Variants in MYBL1 observed in about 807,000 individuals in gnomAD.
MYBL1 encodes MYB proto-oncogene like 1, also known as myb-related protein A.
A neutral mutation model predicts 96.3 loss-of-function variants in MYBL1; 17 were observed. The ratio of observed to expected loss-of-function variants is 0.18; its 90% CI spans 0.12 to 0.26. MYBL1 has a LOEUF of 0.26. MYBL1 is among the 10% of genes least tolerant of loss of function. The pLI is 1.00. For synonymous variants in MYBL1, 282 were observed against 292.7 expected (o/e 0.96, Z 0.37); for missense variants, 701 against 882.9 (o/e 0.79, Z 2.61).
Position 66,572,498 on chromosome 8 carries a change from C to T in MYBL1, c.1712G>A (p.Gly571Glu). The change falls in exon 12 of 16, where the codon GGA becomes GAA. Residue 571 changes from glycine (G) to glutamate (E), a missense_variant. Gly to Glu is a moderately conservative substitution (Grantham distance 98, BLOSUM62 -2). Around this residue, in one of 5 missense-constraint regions of MYBL1, gnomAD observed 63 missense variants for 109.2 expected, o/e 0.58. Transcript: ENST00000522677. ...TATACATACCACAATTTTAAGAGGT[C>T]CATATTTTTTCTCCTGAGCAGCAAG... ...NALAAQEKKY[G>E]PLKIVSQPLA... 1 of 1,575,200 alleles carries T rather than the reference C, an allele frequency of 6.3e-7. No individual in the cohort carries two copies. The highest frequency in any genetic ancestry group is 1.1e-5 in the South Asian group (1 of 87,028).
At chr8:66,596,792 T>C (rs1355226304) in intron 5 of MYBL1, among the ~76,000 whole-genome samples, 2 of 152,110 alleles carry the variant, frequency 1.3e-5, no homozygotes, top group East Asian at 1.9e-4. Flanking sequence ...CAATGTAGAG[T>C]GTACTTAGCA....
At chr8:66,583,554 G>T (rs73248138) in intron 8 of MYBL1, among the ~76,000 whole-genome samples, 63 of 150,460 alleles carry the variant, frequency 4.2e-4, no homozygotes, top group African/African-American at 1.5e-3. Flanking sequence ...AGAAATAAAC[G>T]AAATTGACAA....
chr8:66,598,979 C>A, intron 4 of MYBL1, 71 bp downstream of exon 4: 1 of 1,017,466 alleles, frequency 9.8e-7, no homozygotes, highest in South Asian at 2.4e-5. Flanking sequence ...CTTCATATGT[C>A]AAAACAACAC....
chr8:66,605,854 T>G (rs1810292498), intron 1 of MYBL1, among the ~76,000 whole-genome samples: 2 of 152,068 alleles, frequency 1.3e-5, no homozygotes, highest in Admixed American at 6.6e-5. Flanking sequence ...GGATTCTGAG[T>G]AGGCAGTGGA....
intron 12 of MYBL1, among the ~76,000 whole-genome samples, chr8:66,569,716 C>T (rs1808654865): frequency 6.6e-6 from 1 of 152,100 alleles, no homozygotes; most frequent in African/African-American, 2.4e-5. Flanking sequence ...TTTAAGAATA[C>T]AAATGTCCTA....
At chr8:66,576,947 C>G (rs1235226081) in intron 9 of MYBL1, among the ~76,000 whole-genome samples, 1 of 152,144 alleles carries the variant, frequency 6.6e-6, no homozygotes, top group Non-Finnish European at 1.5e-5. Flanking sequence ...AAATGTAATC[C>G]AGCATATAAA....
At chr8:66,583,690 G>A (rs921535955) in intron 8 of MYBL1, among the ~76,000 whole-genome samples, 1 of 152,110 alleles carries the variant, frequency 6.6e-6, no homozygotes, top group Non-Finnish European at 1.5e-5. Context: ...ATGAATAACT[G>A]TGTATCCAAT....
chr8:66,588,533 G>A (rs1010087123), intron 8 of MYBL1, among the ~76,000 whole-genome samples: 1 of 152,022 alleles, frequency 6.6e-6, no homozygotes, highest in African/African-American at 2.4e-5. Context: ...GCCTGCCTCA[G>A]CCTCCCAAAG....
chr8:66,578,125 C>T (rs950492850), intron 9 of MYBL1, among the ~76,000 whole-genome samples: 4 of 151,960 alleles, frequency 2.6e-5, no homozygotes, highest in Non-Finnish European at 5.9e-5. Flanking sequence ...ACCATAAAAA[C>T]CCGAGAAGAA....
chr8:66,598,956 A>C, intron 4 of MYBL1, 94 bp downstream of exon 4: 1 of 702,108 alleles, frequency 1.4e-6, no homozygotes, highest in Non-Finnish European at 2.1e-6. Flanking sequence ...AATCAAAGTG[A>C]CTTAAACATG....
At chr8:66,586,057 T>TC (rs1809408044) in intron 8 of MYBL1, among the ~76,000 whole-genome samples, 1 of 148,014 alleles carries the variant, frequency 6.8e-6, no homozygotes, top group African/African-American at 2.5e-5. Flanking sequence ...TTTTTTTTTT[T>TC]TTTTTTGAGA....
chr8:66,574,772 A>G (rs1322654488), intron 10 of MYBL1, among the ~76,000 whole-genome samples: 1 of 152,226 alleles, frequency 6.6e-6, no homozygotes, highest in Non-Finnish European at 1.5e-5. Flanking sequence ...GATTGTTTGG[A>G]GGCTGGGAGC....
chr8:66,592,682 CTCATTA>C (rs1340904596), intron 7 of MYBL1, 138 bp from the exon 8 acceptor site: 4 of 532,322 alleles, frequency 7.5e-6, no homozygotes, highest in Non-Finnish European at 9.6e-6. Context: ...ATACTAACTA[CTCATTA>C]TCACAATCCC....
At chr8:66,575,872 G>C in intron 10 of MYBL1, 135 bp downstream of exon 10, 2 of 728,074 alleles carry the variant, frequency 2.7e-6, no homozygotes, top group Non-Finnish European at 4.2e-6. Context: ...TCAGAGTTCA[G>C]TATTCTCAAG....
chr8:66,601,822 C>T, intron 2 of MYBL1, 53 bp from the exon 3 acceptor site: 2 of 878,906 alleles, frequency 2.3e-6, no homozygotes, highest in South Asian at 1.7e-5. Context: ...TTTTCCTCTA[C>T]CCCTAAATAT....
intron 3 of MYBL1, among the ~76,000 whole-genome samples, chr8:66,600,764 A>T (rs1810036234): frequency 6.6e-6 from 1 of 152,218 alleles, no homozygotes; most frequent in Non-Finnish European, 1.5e-5. Context: ...GTCATATGAC[A>T]ATATAGAAAA....
At chr8:66,590,918 A>G (rs1469775193) in intron 8 of MYBL1, among the ~76,000 whole-genome samples, 2 of 152,176 alleles carry the variant, frequency 1.3e-5, no homozygotes, top group Non-Finnish European at 2.9e-5. Context: ...AGGGATATTC[A>G]ATGTTCCCAA....
chr8:66,600,445 C>T (rs569242488), intron 3 of MYBL1, among the ~76,000 whole-genome samples: 1 of 152,278 alleles, frequency 6.6e-6, no homozygotes, highest in South Asian at 2.1e-4. Context: ...TCAGGTTGCT[C>T]CTGTATGTCC....
At chr8:66,570,312 CTT>C (rs761701052) in intron 12 of MYBL1, among the ~76,000 whole-genome samples, 2 of 133,660 alleles carry the variant, frequency 1.5e-5, no homozygotes, top group African/African-American at 2.7e-5. Context: ...TTGTTTTTGT[CTT>C]TTTTTTTTTT....
Sources: allele counts gnomAD v4.1 joint callset (sites outside exome capture counted in the v4.1 genomes callset), GRCh38; gene constraint gnomAD v4.1.1; regional missense constraint gnomAD v4.1.1; transcripts MANE v1.5; gene names NCBI Gene and HGNC (gene_info 2026-07-23, HGNC 2026-07-21).